The following NRK variants were observed in gnomAD, a reference collection of about 807,000 sequenced individuals.
NRK encodes Nik related kinase, also known as nik-related protein kinase.
NRK carries 67 observed loss-of-function variants against 125.2 expected under a neutral mutation model. That is an observed-to-expected ratio of 0.54 (90% confidence interval 0.44 to 0.66). The LOEUF is 0.66. Ranked by LOEUF, NRK falls within the 30% of genes least tolerant of loss-of-function variation. The probability of loss-of-function intolerance (pLI) is 0.00; values close to 1 mark genes in which losing one functional copy is unlikely to be tolerated. For missense variants in NRK, 1,224 were observed against 1,192.9 expected (o/e 1.03, Z -0.38); for synonymous variants, 458 against 429.0 (o/e 1.07, Z -0.84).
chrX:105,919,540 G>C (rs1486029952), intron 16 of NRK, among the ~76,000 whole-genome samples: 3 of 111,685 alleles, frequency 2.7e-5, no homozygotes, highest in Non-Finnish European at 3.8e-5. Flanking sequence ...ATGCTCAGTA[G>C]TCATGGGTGA....
In NRK at chrX:105,892,798, G is replaced by A. The variant is rs1176926900; in HGVS notation, c.379-1034G>A. Among the ~76,000 whole-genome samples the A allele has an allele frequency of 4.5e-5, 5 of 111,761 alleles. 1 individual carries two copies. Among genetic ancestry groups the A allele is most frequent in the East Asian group, 5.6e-4 (2 of 3,557 alleles). ...GCAATAATATCAATGGTGAATAACC[G>A]TAAATTAGGGGAGTAGTTTTCTGAA... On this transcript the variant is annotated intron_variant, in intron 5 of 28. Coordinates refer to ENST00000243300, the MANE Select transcript of NRK (RefSeq NM_198465.4).
chrX:105,899,896 A>T (rs1313135729), intron 8 of NRK, among the ~76,000 whole-genome samples: 1 of 109,661 alleles, frequency 9.1e-6, no homozygotes, highest in African/African-American at 3.3e-5. Flanking sequence ...TGAACCCAGG[A>T]GGCAGAGGTT....
chrX:105,904,560 A>G (rs2147740501), intron 9 of NRK, among the ~76,000 whole-genome samples: 1 of 112,114 alleles, frequency 8.9e-6, no homozygotes, highest in East Asian at 2.8e-4. Flanking sequence ...ATAGATGTAT[A>G]TATTTATGAG....
chrX:105,863,000 T>C (rs1252031486), intron 2 of NRK, among the ~76,000 whole-genome samples: 1 of 112,318 alleles, frequency 8.9e-6, no homozygotes, highest in Non-Finnish European at 1.9e-5. Context: ...ATTTATCTTC[T>C]AGACAGGCCT....
chrX:105,901,999 C>T (rs1217331658), intron 9 of NRK, among the ~76,000 whole-genome samples: 1 of 110,598 alleles, frequency 9.0e-6, no homozygotes, highest in African/African-American at 3.3e-5. Context: ...TACATGCCTG[C>T]ATTGAGTAGT....
chrX:105,830,333 AAAAAAAAAAAAAG>A (rs2039172798), intron 1 of NRK, among the ~76,000 whole-genome samples: 1 of 105,145 alleles, frequency 9.5e-6, no homozygotes, highest in African/African-American at 3.5e-5. Flanking sequence ...AAAAAAAAAA[AAAAAAAAAAAAAG>A]AAGAAGAATA....
intron 19 of NRK, among the ~76,000 whole-genome samples, chrX:105,932,803 C>T (rs2147780844): frequency 9.0e-6 from 1 of 111,256 alleles, no homozygotes; most frequent in Non-Finnish European, 1.9e-5. Flanking sequence ...CTTCATGGGC[C>T]AAATTAAGTA....
chrX:105,838,483 T>G (rs1370987720), intron 2 of NRK, among the ~76,000 whole-genome samples: 1 of 111,066 alleles, frequency 9.0e-6, no homozygotes, highest in Non-Finnish European at 1.9e-5. Flanking sequence ...CATGAGGTCT[T>G]GACTACACCC....
intron 13 of NRK, among the ~76,000 whole-genome samples, chrX:105,912,263 A>G (rs2040311357): frequency 9.0e-6 from 1 of 111,329 alleles, no homozygotes; most frequent in Admixed American, 9.6e-5. Context: ...TGGTTATAAT[A>G]GCTTGCTAAA....
intron 2 of NRK, among the ~76,000 whole-genome samples, chrX:105,844,031 G>C (rs200836989): frequency 1.4e-3 from 150 of 103,489 alleles, no homozygotes; most frequent in African/African-American, 5.5e-3. Flanking sequence ...GTGTGTGTGT[G>C]TGTGTGTGTG....
intron 27 of NRK, 74 bp downstream of exon 27, chrX:105,949,808 G>T: frequency 1.5e-6 from 1 of 664,601 alleles, no homozygotes; most frequent in Non-Finnish European, 2.2e-6. Context: ...CCTAAGAAAA[G>T]ATTTCCTGAA....
intron 2 of NRK, among the ~76,000 whole-genome samples, chrX:105,850,048 A>G (rs1174510611): frequency 6.2e-5 from 7 of 112,274 alleles, no homozygotes; most frequent in African/African-American, 2.3e-4. Flanking sequence ...GAGGTTCTCC[A>G]TGAGGGCCCC....
intron 2 of NRK, among the ~76,000 whole-genome samples, chrX:105,876,158 C>A (rs2039813307): frequency 9.1e-6 from 1 of 110,089 alleles, no homozygotes. Flanking sequence ...TCAAAAGACA[C>A]AAAATTTCAG....
chrX:105,891,085 G>A (rs184956424), intron 5 of NRK, among the ~76,000 whole-genome samples: 1,216 of 111,915 alleles, frequency 0.011, 10 homozygotes, highest in Non-Finnish European at 0.015. Context: ...CTTGACATGA[G>A]CATATGGGTG....
intron 9 of NRK, among the ~76,000 whole-genome samples, chrX:105,900,989 C>T (rs1282765017): frequency 9.0e-6 from 1 of 110,638 alleles, no homozygotes; most frequent in Non-Finnish European, 1.9e-5. Flanking sequence ...CCTGAGCAAC[C>T]AGAATAAGGA....
At chrX:105,949,395 A>G (rs1266772551) in intron 26 of NRK, among the ~76,000 whole-genome samples, 180 bp from the exon 27 acceptor site, 1 of 112,197 alleles carries the variant, frequency 8.9e-6, no homozygotes, top group Admixed American at 9.5e-5. Flanking sequence ...AATTTATGAC[A>G]TAAAGAAAGC....
chrX:105,902,088 T>C (rs2040165755), intron 9 of NRK, among the ~76,000 whole-genome samples: 1 of 110,970 alleles, frequency 9.0e-6, no homozygotes, highest in African/African-American at 3.3e-5. Context: ...CAGTTTGTAC[T>C]TCCTGGGTCA....
intron 1 of NRK, among the ~76,000 whole-genome samples, chrX:105,823,537 A>ATT (rs375688413): frequency 3.0e-5 from 3 of 100,505 alleles, no homozygotes; most frequent in Admixed American, 1.1e-4. Flanking sequence ...TGCACACTCG[A>ATT]TTTTTTTTTT....
intron 2 of NRK, among the ~76,000 whole-genome samples, chrX:105,871,497 C>T (rs2039747307): frequency 9.0e-6 from 1 of 110,708 alleles, no homozygotes; most frequent in Non-Finnish European, 1.9e-5. Context: ...CACACACACA[C>T]ACACACACAC....
Sources: gnomAD v4.1 joint callset for allele counts (sites outside exome capture counted in the v4.1 genomes callset) on GRCh38, gnomAD v4.1.1 for gene constraint, MANE v1.5 for transcripts, NCBI Gene and HGNC (gene_info 2026-07-23, HGNC 2026-07-21) for gene names.